The following INPP4B variants were observed in gnomAD, a reference collection of about 807,000 sequenced individuals.
The protein encoded by INPP4B is inositol polyphosphate 4-phosphatase type II.
A neutral mutation model predicts 122.5 loss-of-function variants in INPP4B; 55 were observed. The ratio of observed to expected loss-of-function variants is 0.45; its 90% CI spans 0.36 to 0.56. INPP4B has a LOEUF of 0.56. INPP4B is among the 20% of genes least tolerant of loss of function. The pLI, the probability that INPP4B is intolerant of heterozygous loss-of-function variation, is 0.00. For synonymous variants in INPP4B, 403 were observed against 388.7 expected, an observed-to-expected ratio of 1.04 and a Z score of -0.43; for missense variants, 1,000 against 1,097.7, an observed-to-expected ratio of 0.91 and a Z score of 1.26.
Position 142,429,176 on chromosome 4 carries a change from G to T in INPP4B, c.133C>A (p.Leu45Ile). 2 of 1,544,600 alleles carry T rather than the reference G, an allele frequency of 1.3e-6. No individual in the cohort carries two copies. The highest frequency in any genetic ancestry group is 1.8e-6 in the Non-Finnish European group (2 of 1,122,578). Residue 45 changes from leucine to isoleucine, a missense_variant, in exon 5 of 26, where the codon CTT becomes ATT. Transcript: ENST00000262992. Reference sequence around the variant, plus strand: ...TAAATAAGATGGAATTTCTTACCAAGGATGAATTCCAACTGCGGTTCATTT... The same window carrying T: ...TAAATAAGATGGAATTTCTTACCAATGATGAATTCCAACTGCGGTTCATTT... ...TPNEPQLEFI[L>I]ACKDLVAPVR...
At chr4:142,754,017 C>T (rs1045921112) in intron 1 of INPP4B, among the ~76,000 whole-genome samples, 3 of 151,970 alleles carry the variant, frequency 2.0e-5, no homozygotes, top group Non-Finnish European at 4.4e-5. Flanking sequence ...GCATTACCTT[C>T]GTGACTGATT....
chr4:142,280,516 A>G (rs1750697754), intron 9 of INPP4B, among the ~76,000 whole-genome samples: 1 of 151,960 alleles, frequency 6.6e-6, no homozygotes, highest in Non-Finnish European at 1.5e-5. Flanking sequence ...ACAACAGATC[A>G]GTGGTGGCCA....
chr4:142,473,133 A>C (rs1308864519), intron 2 of INPP4B: 1 of 152,214 alleles, frequency 6.6e-6, no homozygotes, highest in Non-Finnish European at 1.5e-5. Context: ...AATAAAACTG[A>C]TCAGTGTCAT....
At chr4:142,323,531 T>C (rs888242903) in intron 7 of INPP4B, among the ~76,000 whole-genome samples, 2 of 149,960 alleles carry the variant, frequency 1.3e-5, no homozygotes, top group Non-Finnish European at 3.0e-5. Flanking sequence ...CTGCAAGCTC[T>C]GCCTCTCGGT....
chr4:142,641,573 T>C (rs540550131), intron 2 of INPP4B, among the ~76,000 whole-genome samples: 2 of 152,296 alleles, frequency 1.3e-5, no homozygotes, highest in South Asian at 4.2e-4. Context: ...TCCATCTTCA[T>C]TCATGTCCCT....
intron 1 of INPP4B, among the ~76,000 whole-genome samples, chr4:142,741,566 G>A (rs938002789): frequency 7.9e-5 from 12 of 151,066 alleles, no homozygotes; most frequent in Non-Finnish European, 1.3e-4. Flanking sequence ...AGGAATAATA[G>A]GATATTAAAA....
At chr4:142,652,102 A>G (rs1032139915) in intron 2 of INPP4B, among the ~76,000 whole-genome samples, 1 of 152,238 alleles carries the variant, frequency 6.6e-6, no homozygotes, top group Non-Finnish European at 1.5e-5. Flanking sequence ...TCACGTAAAC[A>G]GAACCAATGA....
At chr4:142,090,740 C>T (rs1197492055) in intron 23 of INPP4B, among the ~76,000 whole-genome samples, 2 of 150,730 alleles carry the variant, frequency 1.3e-5, no homozygotes, top group Non-Finnish European at 2.9e-5. Context: ...AGAAAGTATT[C>T]AGAGGTAAAA....
chr4:142,028,923 A>AG lies in INPP4B; in HGVS notation c.2643-10dup, dbSNP rs746155482. On this transcript the variant is annotated splice_polypyrimidine_tract_variant and intron_variant, in intron 25 of 25. Coordinates refer to ENST00000262992, the MANE Select transcript of INPP4B (RefSeq NM_001101669.3). The stretch of plus-strand genomic sequence containing the variant: ...CTATGCGGCATCCTTCTCTGGTGAA[A>AG]GGGGAAAAAGTACAACTTCATGAAA... 1 of 1,606,752 alleles carries AG rather than the reference A, an allele frequency of 6.2e-7. No homozygotes were observed. Among genetic ancestry groups the AG allele is most frequent in the Non-Finnish European group, 8.5e-7 (1 of 1,177,414 alleles).
At chr4:142,137,842 T>C (rs971749068) in intron 18 of INPP4B, among the ~76,000 whole-genome samples, 5 of 151,656 alleles carry the variant, frequency 3.3e-5, no homozygotes, top group East Asian at 1.9e-4. Flanking sequence ...TGAGATATCA[T>C]CTCACACCAG....
chr4:142,216,650 T>G, intron 12 of INPP4B, among the ~76,000 whole-genome samples: 1 of 152,238 alleles, frequency 6.6e-6, no homozygotes, highest in East Asian at 1.9e-4. Flanking sequence ...CAAAAACACA[T>G]GCTTTTTATT....
At chr4:142,071,363 G>A (rs1767194246) in intron 25 of INPP4B, among the ~76,000 whole-genome samples, 1 of 152,000 alleles carries the variant, frequency 6.6e-6, no homozygotes, top group South Asian at 2.1e-4. Flanking sequence ...TTAAACATTA[G>A]ACCTAAAACC....
At chr4:142,644,386 A>G (rs934885937) in intron 2 of INPP4B, among the ~76,000 whole-genome samples, 10 of 152,148 alleles carry the variant, frequency 6.6e-5, no homozygotes, top group Non-Finnish European at 8.8e-5. Context: ...TAGTCTGATT[A>G]TCTCAAGATC....
At chr4:142,553,690 T>C (rs1336491370) in intron 2 of INPP4B, among the ~76,000 whole-genome samples, 2 of 152,200 alleles carry the variant, frequency 1.3e-5, no homozygotes, top group Non-Finnish European at 1.5e-5. Flanking sequence ...ATGTAACTTG[T>C]ATTGCTGTTC....
intron 2 of INPP4B, among the ~76,000 whole-genome samples, chr4:142,538,908 G>A (rs952478491): frequency 1.3e-5 from 2 of 151,666 alleles, no homozygotes; most frequent in African/African-American, 4.8e-5. Context: ...AAAAGAAAGA[G>A]AGAGATAAAA....
chr4:142,545,714 T>TATATATATACACAC, intron 2 of INPP4B, among the ~76,000 whole-genome samples: 7 of 128,138 alleles, frequency 5.5e-5, no homozygotes, highest in African/African-American at 2.1e-4. Flanking sequence ...TATATGTGTG[T>TATATATATACACAC]GTATATGTGT....
intron 12 of INPP4B, among the ~76,000 whole-genome samples, chr4:142,210,249 G>A (rs1316834133): frequency 2.6e-5 from 4 of 152,152 alleles, no homozygotes; most frequent in Admixed American, 2.0e-4. Flanking sequence ...TGGATGGTGT[G>A]CAAAAATGTG....
At chr4:142,302,636 G>A (rs1400367401) in intron 9 of INPP4B, among the ~76,000 whole-genome samples, 1 of 152,042 alleles carries the variant, frequency 6.6e-6, no homozygotes, top group African/African-American at 2.4e-5. Context: ...AAAGCACATG[G>A]TTGGTTATTG....
chr4:142,568,301 A>G (rs2150149496), intron 2 of INPP4B, among the ~76,000 whole-genome samples: 1 of 152,246 alleles, frequency 6.6e-6, no homozygotes, highest in South Asian at 2.1e-4. Context: ...GTAAGACCTG[A>G]AACTTCATCA....
Sources: allele counts gnomAD v4.1 joint callset (sites outside exome capture counted in the v4.1 genomes callset), GRCh38; gene constraint gnomAD v4.1.1; transcripts MANE v1.5; gene names NCBI Gene and HGNC (gene_info 2026-07-23, HGNC 2026-07-21).